Variants in ANK3 observed in about 807,000 individuals in gnomAD.
The protein encoded by ANK3 is ankyrin 3, also known as ankyrin-3.
In ANK3, 57 loss-of-function variants were observed where a neutral mutation model predicts 370.9. That is an observed-to-expected ratio of 0.15 (90% CI 0.12 to 0.19). The LOEUF is 0.19. Ranked by LOEUF, ANK3 falls within the 10% of genes least tolerant of loss-of-function variation. The probability of loss-of-function intolerance (pLI) is 1.00; values close to 1 mark genes in which losing one functional copy is unlikely to be tolerated. For synonymous variants in ANK3, 1,929 were observed against 1,946.3 expected (o/e 0.99, Z 0.23); for missense variants, 4,439 against 5,302.1 (o/e 0.84, Z 5.06).
intron 7 of ANK3, among the ~76,000 whole-genome samples, chr10:60,240,310 T>TTTTTTTTTTTC (rs2097432819): frequency 8.4e-6 from 1 of 119,760 alleles, no homozygotes; most frequent in African/African-American, 2.7e-5. Context: ...ATATATATTT[T>TTTTTTTTTTTC]TTTTTCTTTT....
chr10:60,638,799 C>T (rs2078590606), intron 1 of ANK3, among the ~76,000 whole-genome samples: 1 of 151,926 alleles, frequency 6.6e-6, no homozygotes, highest in South Asian at 2.1e-4. Flanking sequence ...AACAAAAGAT[C>T]AATGAGTTTG....
intron 1 of ANK3, among the ~76,000 whole-genome samples, chr10:60,369,282 C>A (rs1240945325): frequency 6.6e-6 from 1 of 152,160 alleles, no homozygotes. Flanking sequence ...CCACACTTTA[C>A]TAGGACATTA....
chr10:60,427,803 T>G (rs1248631234), intron 2 of ANK3, among the ~76,000 whole-genome samples: 1 of 152,180 alleles, frequency 6.6e-6, no homozygotes, highest in Non-Finnish European at 1.5e-5. Flanking sequence ...TTTCCCAAGG[T>G]CACCAGGTTA....
At chr10:60,228,232 AACCT>A in intron 8 of ANK3, among the ~76,000 whole-genome samples, 1 of 152,168 alleles carries the variant, frequency 6.6e-6, no homozygotes, top group Non-Finnish European at 1.5e-5. Flanking sequence ...GATACTGAAT[AACCT>A]ACTATAAAAT....
chr10:60,377,542 T>G (rs1270698213), intron 1 of ANK3, among the ~76,000 whole-genome samples: 4 of 152,250 alleles, frequency 2.6e-5, no homozygotes, highest in African/African-American at 9.6e-5. Context: ...AAAGCACTTT[T>G]TAGCTAGTTT....
At chr10:60,447,076 C>T (rs917790580) in intron 2 of ANK3, among the ~76,000 whole-genome samples, 2 of 152,174 alleles carry the variant, frequency 1.3e-5, no homozygotes. Flanking sequence ...ACTGAGCACT[C>T]TCCTAGTGCC....
intron 8 of ANK3, among the ~76,000 whole-genome samples, chr10:60,225,745 G>A (rs2097129407): frequency 6.6e-6 from 1 of 151,944 alleles, no homozygotes; most frequent in Non-Finnish European, 1.5e-5. Context: ...CCTTCATTCT[G>A]AGACTAGAAC....
chr10:60,525,828 A>T (rs2076456015), intron 2 of ANK3, among the ~76,000 whole-genome samples: 1 of 152,146 alleles, frequency 6.6e-6, no homozygotes, highest in African/African-American at 2.4e-5. Context: ...ATGATGAAGC[A>T]CCTGGCAAAT....
chr10:60,627,143 T>C (rs988000002), intron 1 of ANK3, among the ~76,000 whole-genome samples: 3 of 152,074 alleles, frequency 2.0e-5, no homozygotes, highest in Admixed American at 1.3e-4. Flanking sequence ...AGAAACAAGA[T>C]AGTCTGAATC....
At chr10:60,699,641 G>T (rs1421628154) in intron 1 of ANK3, among the ~76,000 whole-genome samples, 1 of 151,800 alleles carries the variant, frequency 6.6e-6, no homozygotes, top group African/African-American at 2.4e-5. Context: ...TTTAAAATTA[G>T]TATAAAAATA....
chr10:60,432,490 C>T (rs2064049447), intron 2 of ANK3, among the ~76,000 whole-genome samples: 1 of 152,162 alleles, frequency 6.6e-6, no homozygotes, highest in Non-Finnish European at 1.5e-5. Flanking sequence ...AGAAGATCTC[C>T]TAACACATAT....
chr10:60,614,701 T>C (rs2078244352), intron 2 of ANK3, among the ~76,000 whole-genome samples: 1 of 152,234 alleles, frequency 6.6e-6, no homozygotes, highest in South Asian at 2.1e-4. Flanking sequence ...TCTTTCACTA[T>C]TAAAATAATT....
Position 60,539,310 on chromosome 10 carries a change from A to G in ANK3, c.96+75876T>C, listed in dbSNP as rs192331516. Among the ~76,000 whole-genome samples the G allele has an allele frequency of 6.9e-4, 105 of 152,022 alleles. 1 individual carries two copies. Among genetic ancestry groups the G allele is most frequent in the African/African-American group, 2.5e-3 (103 of 41,546 alleles). ...TATAATACCATTGATTTTTCTTGGCATGGTCCTTTGTTGTACCTTATGAAG... is the reference window on the plus strand; with the variant it reads ...TATAATACCATTGATTTTTCTTGGCGTGGTCCTTTGTTGTACCTTATGAAG... On this transcript the variant is annotated intron_variant, in intron 2 of 43. Coordinates refer to the ANK3 transcript ENST00000373827.
intron 39 of ANK3, among the ~76,000 whole-genome samples, chr10:60,063,815 AG>A (rs1290213222): frequency 6.6e-6 from 1 of 152,214 alleles, no homozygotes; most frequent in Non-Finnish European, 1.5e-5. Context: ...CTCCAGCCAT[AG>A]TGGTAACTTC....
Position 60,055,846 on chromosome 10 carries a change from C to G in ANK3, c.12877G>C (p.Val4293Leu), listed in dbSNP as rs772904316. The G allele has an allele frequency of 1.2e-6, 2 of 1,614,200 alleles. No individual in the cohort carries two copies. Among genetic ancestry groups the G allele is most frequent in the Non-Finnish European group, 1.7e-6 (2 of 1,180,026 alleles). The stretch of plus-strand genomic sequence containing the variant: ...GCTAGTGGTGATGCTGGTTCTTCAA[C>G]ATGACCAGATCCATGTATTTTTGGT... ...LKPKIHGSGH[V>L]EEPASPLAAY... Residue 4293 changes from valine to leucine, a missense_variant, in exon 42 of 44, where the codon GTT becomes CTT. Coordinates refer to ENST00000280772, the MANE Select transcript of ANK3 (RefSeq NM_020987.5).
At chr10:60,085,313 TC>T in intron 30 of ANK3, 60 bp from the exon 31 acceptor site, 43 of 1,336,346 alleles carry the variant, frequency 3.2e-5, no homozygotes, top group Non-Finnish European at 4.5e-5. Context: ...TGTAAAATTT[TC>T]ATCAGATCCT....
chr10:60,525,609 T>C (rs920509660), intron 2 of ANK3, among the ~76,000 whole-genome samples: 4 of 152,114 alleles, frequency 2.6e-5, no homozygotes, highest in African/African-American at 9.7e-5. Context: ...ACTGTAGTCC[T>C]TTCTGGGAGG....
chr10:60,208,857 A>G (rs2096803673), intron 9 of ANK3, among the ~76,000 whole-genome samples: 1 of 152,188 alleles, frequency 6.6e-6, no homozygotes, highest in African/African-American at 2.4e-5. Flanking sequence ...TCCCTTTTCT[A>G]TCAATCTGGT....
Position 60,166,672 on chromosome 10 carries a change from C to T in ANK3, c.2552-19G>A. ...TTACGAACTGCATGATTGAAGTGAA[C>T]AATATAAGTGGATGAAAAATACATA... On this transcript the variant is annotated intron_variant, in intron 22 of 43. Transcript: ENST00000280772. The T allele has an allele frequency of 6.2e-7, 1 of 1,611,930 alleles. No homozygotes were observed. The highest frequency in any genetic ancestry group is 1.1e-5 in the South Asian group (1 of 91,012).
Sources: gnomAD v4.1 joint callset for allele counts (sites outside exome capture counted in the v4.1 genomes callset) on GRCh38, gnomAD v4.1.1 for gene constraint, MANE v1.5 for transcripts, NCBI Gene and HGNC (gene_info 2026-07-23, HGNC 2026-07-21) for gene names.